Variants in NDUFAF6 observed in about 807,000 individuals in gnomAD.
NDUFAF6 encodes NADH:ubiquinone oxidoreductase complex assembly factor 6.
A neutral mutation model predicts 40.8 loss-of-function variants in NDUFAF6; 45 were observed. The observed-to-expected ratio is 1.10, with a 90% CI of 0.87 to 1.42. NDUFAF6 has a LOEUF of 1.42. Ranked by LOEUF, NDUFAF6 falls within the 40% of genes most tolerant of loss-of-function variation. The probability of loss-of-function intolerance (pLI) is 0.00; values close to 1 mark genes in which losing one functional copy is unlikely to be tolerated. For synonymous variants in NDUFAF6, 185 were observed against 155.9 expected, an observed-to-expected ratio of 1.19 and a Z score of -1.39; for missense variants, 435 against 418.5, an observed-to-expected ratio of 1.04 and a Z score of -0.34.
At chr8:95,001,116 G>A (rs1441888906) in intron 2 of NDUFAF6, among the ~76,000 whole-genome samples, 1 of 151,784 alleles carries the variant, frequency 6.6e-6, no homozygotes, top group Non-Finnish European at 1.5e-5. Context: ...ACCATGTGTG[G>A]CTAATTTTTT....
At chr8:95,099,728 T>G (rs891845357), upstream of NDUFAF6, among the ~76,000 whole-genome samples, 1 of 152,192 alleles carries the variant, frequency 6.6e-6, no homozygotes, top group Non-Finnish European at 1.5e-5. Context: ...TTCTACTCAC[T>G]CCCAGTTATG....
upstream of NDUFAF6, among the ~76,000 whole-genome samples, chr8:94,956,269 C>T (rs942630417): frequency 1.3e-5 from 2 of 152,148 alleles, no homozygotes; most frequent in South Asian, 2.1e-4. Flanking sequence ...GGTTTTCCAG[C>T]GTTTGGGCAA....
chr8:95,112,783 T>C (rs1810034399), intron 4 of NDUFAF6, among the ~76,000 whole-genome samples: 1 of 152,224 alleles, frequency 6.6e-6, no homozygotes, highest in African/African-American at 2.4e-5. Flanking sequence ...TATATATTTC[T>C]CTGTGTGACT....
chr8:94,974,818 C>T (rs1199972654), intron 1 of NDUFAF6: 2 of 160,618 alleles, frequency 1.2e-5, no homozygotes, highest in African/African-American at 2.4e-5. Context: ...AAAGGACGTC[C>T]CTTTCCCCGT....
chr8:95,017,889 AAG>A (rs1280132078), intron 2 of NDUFAF6, among the ~76,000 whole-genome samples: 3 of 152,210 alleles, frequency 2.0e-5, no homozygotes, highest in Admixed American at 2.0e-4. Context: ...CCTTTGAAGA[AAG>A]ACATTTTGTC....
chr8:94,914,982 G>A (rs1819032195), intron 1 of NDUFAF6, among the ~76,000 whole-genome samples: 1 of 152,148 alleles, frequency 6.6e-6, no homozygotes, highest in Non-Finnish European at 1.5e-5. Context: ...TATATTTTGT[G>A]ATGCTGAGGT....
chr8:94,988,229 T>A (rs1482160025), intron 2 of NDUFAF6: 2 of 152,248 alleles, frequency 1.3e-5, no homozygotes, highest in African/African-American at 4.8e-5. Context: ...CATGTCTTTC[T>A]TTATTGGTTT....
chr8:95,053,623 TTTTC>T (rs1442627543), intron 8 of NDUFAF6, among the ~76,000 whole-genome samples: 1 of 151,482 alleles, frequency 6.6e-6, no homozygotes, highest in East Asian at 1.9e-4. Flanking sequence ...TTTTCTTTCT[TTTTC>T]TTTCTTTTTT....
At chr8:95,087,883 T>A (rs1809100985) in intron 2 of NDUFAF6, 1 of 152,316 alleles carries the variant, frequency 6.6e-6, no homozygotes, top group African/African-American at 2.4e-5. Flanking sequence ...GTGGCACACA[T>A]ACAATTACAG....
At position 94,907,196 on chromosome 8, in the gene NDUFAF6, A is replaced by G. The variant is rs147425765; in HGVS notation, c.-936+11269A>G. Among the ~76,000 whole-genome samples, 721 of 152,270 alleles carry G rather than the reference A, an allele frequency of 4.7e-3. 2 individuals are homozygous for G. The highest frequency in any genetic ancestry group is 0.016 in the African/African-American group (661 of 41,544). ...ATGTCTTTCTCCTTGTAGCTCCTAT[A>G]TGTCATTTAATCAAATGGCATCAAC... On this transcript the variant is annotated intron_variant, in intron 1 of 14. Transcript: ENST00000396113.
At position 95,025,029 on chromosome 8, in the gene NDUFAF6, C is replaced by A; in HGVS notation, c.21C>A (p.Gly7=). 1 of 1,380,190 alleles carries A rather than the reference C, an allele frequency of 7.2e-7. No homozygotes were observed. The allele number at this position is 1,380,190 out of a possible 1,614,324, so 85.5% of individuals were successfully genotyped here. Residue 7 remains glycine (G), a synonymous_variant, in exon 1 of 9, where the codon GGC becomes GGA. Transcript: ENST00000396124. Reference sequence around the variant, plus strand: ...GCGTCATGGCGGCCTCCGCGCACGGCTCTGTCTGGGGGCCGTTGCGGCTTG... The same window carrying A: ...GCGTCATGGCGGCCTCCGCGCACGGATCTGTCTGGGGGCCGTTGCGGCTTG... MAASAH[G]SVWGPLRLGI...
intron 1 of NDUFAF6, among the ~76,000 whole-genome samples, chr8:94,965,338 C>T (rs780126199): frequency 2.6e-5 from 4 of 152,098 alleles, no homozygotes; most frequent in South Asian, 2.1e-4. Context: ...GGTGAGTCCC[C>T]GGGGAATGAG....
intron 2 of NDUFAF6, chr8:95,034,264 C>T (rs547079244): frequency 7.6e-4 from 246 of 321,830 alleles, no homozygotes; most frequent in African/African-American, 4.9e-3. Context: ...TGACCCTTAT[C>T]GCTATAAACT....
intron 8 of NDUFAF6, among the ~76,000 whole-genome samples, chr8:95,056,652 A>G (rs1433504843): frequency 6.6e-6 from 1 of 151,882 alleles, no homozygotes; most frequent in Admixed American, 6.6e-5. Context: ...CATGCCTGTA[A>G]TCCCAGTACT....
chr8:95,005,233 TGA>T (rs1826909501), intron 2 of NDUFAF6, among the ~76,000 whole-genome samples: 1 of 152,066 alleles, frequency 6.6e-6, no homozygotes, highest in African/African-American at 2.4e-5. Context: ...ACAGTCACTC[TGA>T]GAGAGACCCC....
At chr8:95,038,266 T>G (rs1364689343) in intron 3 of NDUFAF6, among the ~76,000 whole-genome samples, 3 of 152,130 alleles carry the variant, frequency 2.0e-5, no homozygotes, top group African/African-American at 4.8e-5. Context: ...CTTCTCCTAT[T>G]CCCCCATATG....
intron 9 of NDUFAF6, among the ~76,000 whole-genome samples, chr8:95,069,667 CTA>C (rs1832787724): frequency 1.3e-5 from 2 of 150,428 alleles, no homozygotes; most frequent in Non-Finnish European, 2.9e-5. Flanking sequence ...ATAATCCCAG[CTA>C]CTCGGGAGGC....
At chr8:95,052,393 G>A (rs572638791) in intron 8 of NDUFAF6, among the ~76,000 whole-genome samples, 163 bp downstream of exon 8, 169 of 152,206 alleles carry the variant, frequency 1.1e-3, no homozygotes, top group Non-Finnish European at 1.7e-3. Context: ...TTTTGCTGAG[G>A]GCCATTTCTG....
downstream of NDUFAF6, among the ~76,000 whole-genome samples, chr8:95,104,484 T>C (rs1809757286): frequency 6.6e-6 from 1 of 152,228 alleles, no homozygotes; most frequent in African/African-American, 2.4e-5. Context: ...ACAGTTGCAC[T>C]TAAACACAAA....
Sources: allele counts gnomAD v4.1 joint callset (sites outside exome capture counted in the v4.1 genomes callset), GRCh38; gene constraint gnomAD v4.1.1; transcripts MANE v1.5; gene names NCBI Gene and HGNC (gene_info 2026-07-23, HGNC 2026-07-21).